FTO: variants seen among roughly 807,000 people sequenced by gnomAD.
FTO encodes FTO alpha-ketoglutarate dependent dioxygenase, also known as alpha-ketoglutarate-dependent dioxygenase FTO.
In FTO, 47 loss-of-function variants were observed where a neutral mutation model predicts 63.9. That is an observed-to-expected ratio of 0.74 (90% confidence interval 0.58 to 0.94). The LOEUF (loss-of-function observed/expected upper bound fraction) is 0.94, where lower values mean the gene tolerates loss of function less well. FTO is among the 40% of genes least tolerant of loss of function. FTO has a pLI of 0.00. For synonymous variants in FTO, 207 were observed against 224.4 expected, an observed-to-expected ratio of 0.92 and a Z score of 0.69; for missense variants, 562 against 618.1, an observed-to-expected ratio of 0.91 and a Z score of 0.96.
chr16:54,088,857 C>T (rs538255014), intron 8 of FTO, among the ~76,000 whole-genome samples: 2 of 152,308 alleles, frequency 1.3e-5, no homozygotes, highest in South Asian at 2.1e-4. Context: ...TTTCCATTTA[C>T]CTTGTTTGCT....
rs1356967295 is a variant in FTO at position 54,116,978 on chromosome 16, C to G, written c.*5063C>G. ...TCCCACCTCTCAGAACCTTGTCAGC[C>G]AAGTTCTTCCTGCTCTCTGGCCCAA... is the stretch of plus-strand genomic sequence containing the variant. On this transcript the variant is annotated 3_prime_UTR_variant, in exon 9 of 9. Transcript: ENST00000471389. The G allele has an allele frequency of 6.6e-6, 1 of 152,392 alleles. No individual in the cohort carries two copies. The highest frequency in any genetic ancestry group is 1.5e-5 in the Non-Finnish European group (1 of 68,232). 9.4% of individuals were successfully genotyped at this position (152,392 alleles called of 1,614,324 possible).
chr16:54,076,728 T>C (rs981994123), intron 8 of FTO, among the ~76,000 whole-genome samples: 3 of 152,182 alleles, frequency 2.0e-5, no homozygotes, highest in East Asian at 3.9e-4. Context: ...AATCTTAGTC[T>C]ATCAAAGCCA....
At chr16:54,081,116 A>T (rs868132364) in intron 8 of FTO, among the ~76,000 whole-genome samples, 8 of 151,822 alleles carry the variant, frequency 5.3e-5, no homozygotes, top group Non-Finnish European at 1.2e-4. Context: ...TCGCATCAAT[A>T]TTTTTTTTCA....
intron 8 of FTO, among the ~76,000 whole-genome samples, chr16:53,965,185 T>A (rs2083170349): frequency 6.6e-6 from 1 of 152,124 alleles, no homozygotes; most frequent in Non-Finnish European, 1.5e-5. Context: ...GCGATTCTCC[T>A]GCCTCAGCCT....
Position 54,077,474 on chromosome 16 carries a change from A to C in FTO, c.1365-34288A>C, listed in dbSNP as rs145674773. ...CCTGGAGCAGCTTTTCTCTGACATC[A>C]CCTGTGAGTCACAGTAAAGGCCCAG... On this transcript the variant is annotated intron_variant, in intron 8 of 8. Coordinates refer to ENST00000471389, the MANE Select transcript of FTO (RefSeq NM_001080432.3). 5.0e-3 allele frequency among the ~76,000 whole-genome samples: 763 copies of C among 152,220 alleles called. 11 individuals carry two copies. The highest frequency in any genetic ancestry group is 0.018 in the African/African-American group (728 of 41,550).
At chr16:53,976,768 C>T (rs888645190) in intron 8 of FTO, among the ~76,000 whole-genome samples, 1 of 152,014 alleles carries the variant, frequency 6.6e-6, no homozygotes, top group Non-Finnish European at 1.5e-5. Flanking sequence ...ATTTTCTTCA[C>T]ATTCTCCTTT....
intron 2 of FTO, among the ~76,000 whole-genome samples, chr16:53,824,196 C>T (rs57664517): frequency 6.4e-4 from 97 of 152,342 alleles, no homozygotes; most frequent in African/African-American, 2.2e-3. Context: ...TTCCTTACCA[C>T]GACCTCTAGG....
chr16:53,986,693 A>G (rs1175658337), intron 8 of FTO, among the ~76,000 whole-genome samples: 1 of 152,172 alleles, frequency 6.6e-6, no homozygotes, highest in Non-Finnish European at 1.5e-5. Context: ...TCTCTAGTAG[A>G]GTGTGTCTAA....
intron 1 of FTO, among the ~76,000 whole-genome samples, chr16:53,791,605 T>C (rs1045753279): frequency 1.3e-5 from 2 of 152,224 alleles, no homozygotes; most frequent in South Asian, 2.1e-4. Context: ...AATAACTTTA[T>C]TACAATGACT....
intron 7 of FTO, among the ~76,000 whole-genome samples, chr16:53,912,261 G>A (rs76911032): frequency 1.3e-5 from 2 of 152,242 alleles, no homozygotes; most frequent in East Asian, 3.9e-4. Flanking sequence ...TCTCTAGGAG[G>A]GTTGTGAGTC....
rs189326091 is a variant in FTO, at chr16:53,859,272, A to G, written c.896-14514A>G. The stretch of plus-strand genomic sequence containing the variant: ...ACTTCAACCTCCAATTTCTGTTTCT[A>G]TGTCTTCTGACCTCCTTCTTTACAC... On this transcript the variant is annotated intron_variant, in intron 4 of 8. Transcript: ENST00000471389. Among the ~76,000 whole-genome samples, 354 of 152,202 alleles carry G rather than the reference A, an allele frequency of 2.3e-3. 1 individual carries two copies. The highest frequency in any genetic ancestry group is 7.8e-3 in the African/African-American group (326 of 41,540).
chr16:54,111,624 T>C (rs1232909467), intron 8 of FTO, 138 bp from the exon 9 acceptor site: 2 of 877,320 alleles, frequency 2.3e-6, no homozygotes, highest in African/African-American at 3.3e-5. Flanking sequence ...ACCTGTAGAT[T>C]CATTCAGTCG....
Position 53,895,162 on chromosome 16 carries a change from G to A in FTO, c.1239+6211G>A, listed in dbSNP as rs547330843. Among the ~76,000 whole-genome samples the A allele has an allele frequency of 3.3e-5, 5 of 152,090 alleles. No homozygotes were observed. In the South Asian group the frequency reaches 1.0e-3, roughly 32 times the overall value. ...TGTTCTATTAAAAGTAAAACATCTG[G>A]GGAGAAATTTTACATGTAATTTAGC... On this transcript the variant is annotated intron_variant, in intron 7 of 8. Transcript: ENST00000471389.
chr16:53,971,859 C>T (rs1462292825), intron 8 of FTO, among the ~76,000 whole-genome samples: 1 of 152,244 alleles, frequency 6.6e-6, no homozygotes, highest in African/African-American at 2.4e-5. Flanking sequence ...AAAATCCCAT[C>T]CGCGCTGTTC....
chr16:53,731,393 T>A (rs2151512355), intron 1 of FTO, among the ~76,000 whole-genome samples: 1 of 152,280 alleles, frequency 6.6e-6, no homozygotes, highest in African/African-American at 2.4e-5. Context: ...AAAAGTTCCT[T>A]CATATTAATA....
intron 1 of FTO, among the ~76,000 whole-genome samples, chr16:53,755,376 C>T (rs568153849): frequency 3.2e-4 from 48 of 152,220 alleles, no homozygotes; most frequent in African/African-American, 5.3e-4. Flanking sequence ...GACTCTCCCT[C>T]CTGAGGGAGA....
intron 1 of FTO, among the ~76,000 whole-genome samples, chr16:53,808,238 T>A (rs899203349): frequency 6.6e-6 from 1 of 151,954 alleles, no homozygotes; most frequent in African/African-American, 2.4e-5. Flanking sequence ...CGAGGCTGAG[T>A]TGGGAGAATC....
At chr16:53,781,282 C>T (rs528267095) in intron 1 of FTO, among the ~76,000 whole-genome samples, 2 of 152,298 alleles carry the variant, frequency 1.3e-5, no homozygotes, top group South Asian at 4.1e-4. Context: ...CATGTTCTTT[C>T]TGTTATGCCA....
At chr16:53,926,709 C>T (rs991818342) in intron 7 of FTO, among the ~76,000 whole-genome samples, 1 of 151,880 alleles carries the variant, frequency 6.6e-6, no homozygotes, top group South Asian at 2.1e-4. Context: ...AGGTACAAAT[C>T]GAAGTATAGT....
Sources: allele counts gnomAD v4.1 joint callset (sites outside exome capture counted in the v4.1 genomes callset), GRCh38; gene constraint gnomAD v4.1.1; transcripts MANE v1.5; gene names NCBI Gene and HGNC (gene_info 2026-07-23, HGNC 2026-07-21).